PRKG2: variants seen among roughly 807,000 people sequenced by gnomAD.
PRKG2 encodes the protein protein kinase cGMP-dependent 2.
PRKG2 carries 33 observed loss-of-function variants against 97.2 expected under a neutral mutation model. The ratio of observed to expected loss-of-function variants is 0.34; its 90% CI spans 0.26 to 0.45. The LOEUF is 0.45. Among genes scored for constraint, PRKG2 ranks in the 20% least tolerant of loss-of-function variants. PRKG2 has a pLI of 1.00. For missense variants in PRKG2, 638 were observed against 900.0 expected, an observed-to-expected ratio of 0.71 and a Z score of 3.73; for synonymous variants, 330 against 321.8, an observed-to-expected ratio of 1.03 and a Z score of -0.27.
chr4:81,131,292 C>T (rs1363348684), intron 14 of PRKG2, among the ~76,000 whole-genome samples: 1 of 149,420 alleles, frequency 6.7e-6, no homozygotes, highest in Non-Finnish European at 1.5e-5. Context: ...CACCCTGCTT[C>T]AGCTCACCCA....
rs144940248 is a variant in PRKG2 at position 81,096,177 on chromosome 4, C to T, written c.2127-3725G>A. Among the ~76,000 whole-genome samples the T allele has an allele frequency of 1.1e-3, 174 of 152,222 alleles. 2 individuals carry two copies. The highest frequency in any genetic ancestry group is 8.1e-3 in the East Asian group (42 of 5,178). Reference sequence around the variant, plus strand: ...AAGTTTGCTGTATTGATTAACTTTTCATTTCATAAAAGTTCTCTATAGTAT... The same window carrying T: ...AAGTTTGCTGTATTGATTAACTTTTTATTTCATAAAAGTTCTCTATAGTAT... On this transcript the variant is annotated intron_variant, in intron 17 of 18. Coordinates refer to ENST00000264399, the MANE Select transcript of PRKG2 (RefSeq NM_006259.3).
intron 2 of PRKG2, among the ~76,000 whole-genome samples, chr4:81,186,248 A>C (rs1290710426): frequency 6.6e-6 from 1 of 152,224 alleles, no homozygotes; most frequent in Non-Finnish European, 1.5e-5. Context: ...CAAATGCAAA[A>C]GAATGGAAAT....
At chr4:81,137,092 G>T in intron 13 of PRKG2, among the ~76,000 whole-genome samples, 1 of 144,524 alleles carries the variant, frequency 6.9e-6, no homozygotes, top group Admixed American at 7.2e-5. Flanking sequence ...TAGGAGATTT[G>T]GAATCAGAAA....
chr4:81,156,775 C>T (rs1363802412), intron 6 of PRKG2, among the ~76,000 whole-genome samples: 1 of 152,192 alleles, frequency 6.6e-6, no homozygotes, highest in Non-Finnish European at 1.5e-5. Flanking sequence ...GATTAAGAAT[C>T]TCACTCAAAA....
At chr4:81,210,473 G>C (rs1020411861) in intron 1 of PRKG2, among the ~76,000 whole-genome samples, 1 of 152,084 alleles carries the variant, frequency 6.6e-6, no homozygotes, top group Non-Finnish European at 1.5e-5. Flanking sequence ...TAGGTCATTA[G>C]GGAATCTCAA....
intron 14 of PRKG2, among the ~76,000 whole-genome samples, chr4:81,115,990 A>G (rs555223730): frequency 3.3e-5 from 5 of 152,314 alleles, no homozygotes; most frequent in African/African-American, 1.2e-4. Flanking sequence ...TGTATTATTA[A>G]TCTTACATCC....
rs200706162 is a variant in PRKG2 at position 81,092,465 on chromosome 4, A to G, written c.2127-13T>C. The G allele has an allele frequency of 3.2e-5, 30 of 926,490 alleles. No homozygotes were observed. Among genetic ancestry groups the G allele is most frequent in the African/African-American group, 4.1e-5 (2 of 48,650 alleles). The allele number at this position is 926,490 out of a possible 1,614,324, so 57.4% of individuals were successfully genotyped here. ...ACCATTTAACCACCTGAGAAATGAG[A>G]AAGGAAGGAAGGAAGGAAGGAAGGA... is the stretch of plus-strand genomic sequence containing the variant. On this transcript the variant is annotated splice_polypyrimidine_tract_variant and intron_variant, in intron 17 of 18. Transcript: ENST00000264399.
intron 2 of PRKG2, among the ~76,000 whole-genome samples, chr4:81,186,703 A>G (rs1477602896): frequency 1.3e-5 from 2 of 152,170 alleles, no homozygotes; most frequent in Non-Finnish European, 2.9e-5. Flanking sequence ...TTTGGAAAAG[A>G]TTAACAAAAT....
intron 18 of PRKG2, 40 bp downstream of exon 18, chr4:81,092,346 C>A (rs201211531): frequency 7.3e-7 from 1 of 1,366,802 alleles, no homozygotes; most frequent in East Asian, 2.4e-5. Context: ...AAACAAATCC[C>A]TGGGAAAAAA....
chr4:81,211,786 G>A (rs1209581931), intron 1 of PRKG2, among the ~76,000 whole-genome samples: 2 of 152,090 alleles, frequency 1.3e-5, no homozygotes, highest in Admixed American at 6.5e-5. Context: ...TGCCATATGA[G>A]ATTCAATAAA....
intron 2 of PRKG2, among the ~76,000 whole-genome samples, chr4:81,197,520 G>A (rs1753036673): frequency 6.6e-6 from 1 of 152,244 alleles, no homozygotes; most frequent in African/African-American, 2.4e-5. Flanking sequence ...TTAAGAGGCA[G>A]ATGTTTTAAC....
At chr4:81,143,902 T>A (rs1747546796) in intron 10 of PRKG2, among the ~76,000 whole-genome samples, 1 of 152,198 alleles carries the variant, frequency 6.6e-6, no homozygotes, top group East Asian at 1.9e-4. Context: ...AACCCTGCTC[T>A]TTACCTCTAA....
intron 14 of PRKG2, among the ~76,000 whole-genome samples, 200 bp from the exon 15 acceptor site, chr4:81,110,811 G>C (rs1743852588): frequency 6.7e-6 from 1 of 149,394 alleles, no homozygotes; most frequent in African/African-American, 2.5e-5. Context: ...AGACCACCTC[G>C]TGTATTCCTT....
At chr4:81,135,682 T>C (rs747898272) in intron 13 of PRKG2, among the ~76,000 whole-genome samples, 5 of 152,166 alleles carry the variant, frequency 3.3e-5, no homozygotes. Context: ...GACTTAAAAA[T>C]GACTCAAGTG....
chr4:81,101,318 A>G (rs1481516699), intron 17 of PRKG2, among the ~76,000 whole-genome samples: 1 of 152,216 alleles, frequency 6.6e-6, no homozygotes, highest in African/African-American at 2.4e-5. Flanking sequence ...AACCAACCCA[A>G]ATGTCCAACA....
intron 2 of PRKG2, among the ~76,000 whole-genome samples, chr4:81,185,170 T>A (rs1751761061): frequency 6.6e-6 from 1 of 151,966 alleles, no homozygotes; most frequent in South Asian, 2.1e-4. Flanking sequence ...CCAAGAAACA[T>A]AATCATCAGA....
Position 81,145,564 on chromosome 4 carries a change from A to G in PRKG2, c.1155-1234T>C, listed in dbSNP as rs140328482. ...GGTTTCTCATAGGCCTGATCTAATC[A>G]CTCTGTCTCCTGTCCATGATCACTG... is the stretch of plus-strand genomic sequence containing the variant. On this transcript the variant is annotated intron_variant, in intron 9 of 18. Transcript: ENST00000264399. Among the ~76,000 whole-genome samples, 1,149 of 151,936 alleles carry G rather than the reference A, an allele frequency of 7.6e-3. 6 individuals are homozygous for G. Among genetic ancestry groups the G allele is most frequent in the Middle Eastern group, 0.014 (4 of 294 alleles).
intron 6 of PRKG2, 138 bp downstream of exon 6, chr4:81,167,023 A>C: frequency 1.7e-6 from 1 of 604,318 alleles, no homozygotes; most frequent in Non-Finnish European, 2.8e-6. Context: ...TTGGCTTAAG[A>C]TTTTTCACCA....
rs567603413 is a variant in PRKG2 at position 81,196,123 on chromosome 4, T to G, written c.461+8464A>C. ...CGCAAGGCAGGAACTCTAGGCAGCCTCTAGGAGCTGAGAGCAGCCCCAGCT... is the reference window on the plus strand; with the variant it reads ...CGCAAGGCAGGAACTCTAGGCAGCCGCTAGGAGCTGAGAGCAGCCCCAGCT... On this transcript the variant is annotated intron_variant, in intron 2 of 18. Coordinates refer to ENST00000264399, the MANE Select transcript of PRKG2 (RefSeq NM_006259.3). Among the ~76,000 whole-genome samples, 481 of 152,296 alleles carry G rather than the reference T, an allele frequency of 3.2e-3. 3 individuals are homozygous for G. Among genetic ancestry groups the G allele is most frequent in the Non-Finnish European group, 6.0e-3 (407 of 68,018 alleles).
Sources: allele counts gnomAD v4.1 joint callset (sites outside exome capture counted in the v4.1 genomes callset), GRCh38; gene constraint gnomAD v4.1.1; transcripts MANE v1.5; gene names NCBI Gene and HGNC (gene_info 2026-07-23, HGNC 2026-07-21).